C8orf34: variants seen among roughly 807,000 people sequenced by gnomAD.
C8orf34 encodes the protein chromosome 8 open reading frame 34.
C8orf34 carries 65 observed loss-of-function variants against 68.3 expected under a neutral mutation model. The observed-to-expected ratio is 0.95, with a 90% confidence interval of 0.78 to 1.17. The LOEUF is 1.17. Ranked by LOEUF, C8orf34 falls within the 50% of genes most tolerant of loss-of-function variation. The probability of loss-of-function intolerance (pLI) is 0.00; values close to 1 mark genes in which losing one functional copy is unlikely to be tolerated. For missense variants in C8orf34, 664 were observed against 655.4 expected (o/e 1.01, Z -0.14); for synonymous variants, 244 against 241.2 (o/e 1.01, Z -0.11).
chr8:68,494,956 G>A (rs1813465960), intron 5 of C8orf34, among the ~76,000 whole-genome samples: 1 of 151,112 alleles, frequency 6.6e-6, no homozygotes. Flanking sequence ...GCGTGTATAT[G>A]TATATATTCT....
chr8:68,757,553 G>A (rs1332189264), intron 10 of C8orf34, among the ~76,000 whole-genome samples: 4 of 151,992 alleles, frequency 2.6e-5, no homozygotes, highest in Admixed American at 1.3e-4. Context: ...CCGGGGAGGC[G>A]GAAGCTGCAG....
chr8:68,500,285 C>G (rs1252268137), intron 5 of C8orf34, among the ~76,000 whole-genome samples: 1 of 152,078 alleles, frequency 6.6e-6, no homozygotes, highest in African/African-American at 2.4e-5. Context: ...TGGAAAACAC[C>G]AGTTGAGGGA....
intron 5 of C8orf34, among the ~76,000 whole-genome samples, chr8:68,495,844 A>G (rs909589561): frequency 1.3e-5 from 2 of 152,244 alleles, no homozygotes; most frequent in African/African-American, 4.8e-5. Context: ...TCAATTAATA[A>G]TTGCTATGTT....
At chr8:68,535,465 C>T (rs1554574322) in intron 7 of C8orf34, 1 of 967,948 alleles carries the variant, frequency 1.0e-6, no homozygotes, top group Admixed American at 6.2e-5. Context: ...TGTTAGTTGA[C>T]ATTAATATAA....
At chr8:68,466,738 C>CAT (rs35661495) in intron 3 of C8orf34, among the ~76,000 whole-genome samples, 22,316 of 119,816 alleles carry the variant, frequency 0.19, 2,703 homozygotes, top group Middle Eastern at 0.3. Flanking sequence ...CAACGTTGTA[C>CAT]ATATATATAT....
chr8:68,564,527 A>G (rs551047067), intron 7 of C8orf34, among the ~76,000 whole-genome samples: 24 of 152,278 alleles, frequency 1.6e-4, no homozygotes, highest in African/African-American at 5.1e-4. Context: ...TCCTGGTCCT[A>G]TGTGGGTAGG....
chr8:68,584,319 A>G (rs1344033974), intron 7 of C8orf34, among the ~76,000 whole-genome samples: 1 of 152,276 alleles, frequency 6.6e-6, no homozygotes, highest in Non-Finnish European at 1.5e-5. Context: ...GTTGGATGGA[A>G]CCTGATCAAA....
At chr8:68,772,774 CTTCT>C (rs1473159744) in intron 10 of C8orf34, among the ~76,000 whole-genome samples, 51 of 138,482 alleles carry the variant, frequency 3.7e-4, no homozygotes, top group Middle Eastern at 4.3e-3. Context: ...TCCTTCCTTC[CTTCT>C]TTCTTTCTTT....
At chr8:68,664,281 G>T (rs1012438454) in intron 8 of C8orf34, among the ~76,000 whole-genome samples, 1 of 152,120 alleles carries the variant, frequency 6.6e-6, no homozygotes, top group African/African-American at 2.4e-5. Context: ...TTAAACTATA[G>T]GCTGAATTCC....
At chr8:68,518,563 G>A (rs1441117229) in intron 5 of C8orf34, among the ~76,000 whole-genome samples, 3 of 152,052 alleles carry the variant, frequency 2.0e-5, no homozygotes. Context: ...ATAGTCCAAG[G>A]TAGATTTTGT....
chr8:68,628,175 G>A (rs1386154033), intron 7 of C8orf34, among the ~76,000 whole-genome samples: 2 of 151,944 alleles, frequency 1.3e-5, no homozygotes, highest in Non-Finnish European at 2.9e-5. Context: ...AACTTAAATT[G>A]TTTTTAAACT....
intron 7 of C8orf34, among the ~76,000 whole-genome samples, chr8:68,536,358 C>CAAAAAAAAAAAAAAA (rs10696903): frequency 5.3e-4 from 26 of 49,162 alleles, no homozygotes; most frequent in African/African-American, 9.2e-4. Flanking sequence ...GACCCTATCT[C>CAAAAAAAAAAAAAAA]AAAAAAAAAA....
intron 7 of C8orf34, among the ~76,000 whole-genome samples, chr8:68,619,790 A>T (rs184844345): frequency 6.6e-6 from 1 of 152,314 alleles, no homozygotes; most frequent in East Asian, 1.9e-4. Flanking sequence ...ATTATAAATC[A>T]TAGTCACAAT....
intron 5 of C8orf34, among the ~76,000 whole-genome samples, chr8:68,507,081 C>T (rs535374757): frequency 2.3e-4 from 35 of 152,188 alleles, no homozygotes; most frequent in African/African-American, 7.9e-4. Flanking sequence ...CTGAGTCATC[C>T]TACCTATGAA....
intron 7 of C8orf34, among the ~76,000 whole-genome samples, chr8:68,591,137 G>T (rs184163110): frequency 6.6e-6 from 1 of 152,128 alleles, no homozygotes. Flanking sequence ...AGGAAAATCT[G>T]ATAAGCTGAG....
At chr8:68,470,852 C>T (rs1403675532) in intron 4 of C8orf34, among the ~76,000 whole-genome samples, 1 of 152,094 alleles carries the variant, frequency 6.6e-6, no homozygotes, top group Non-Finnish European at 1.5e-5. Flanking sequence ...TCCCAGGCTC[C>T]ACCTCCTAAC....
Position 68,721,360 on chromosome 8 carries a change from G to T in C8orf34, c.1328-1G>T. ...TATTCATTTTTTAAAAATAAAAATA[G>T]ATTCCTTGCCTGGGACTGAAGAAGC... is the stretch of plus-strand genomic sequence containing the variant. On this transcript the variant is annotated splice_acceptor_variant, in intron 9 of 13. Coordinates refer to ENST00000518698, the MANE Select transcript of C8orf34 (RefSeq NM_052958.4). LOFTEE classifies it high-confidence loss of function. The T allele has an allele frequency of 6.3e-7, 1 of 1,595,606 alleles. No individual in the cohort carries two copies. The highest frequency in any genetic ancestry group is 8.6e-7 in the Non-Finnish European group (1 of 1,167,164).
intron 11 of C8orf34, among the ~76,000 whole-genome samples, chr8:68,782,650 T>C (rs1823713060): frequency 6.6e-6 from 1 of 152,222 alleles, no homozygotes; most frequent in South Asian, 2.1e-4. Flanking sequence ...GCAGTGAGTT[T>C]CTGCTGTGGA....
chr8:68,715,607 T>C (rs866444631), intron 9 of C8orf34, among the ~76,000 whole-genome samples: 17 of 151,528 alleles, frequency 1.1e-4, no homozygotes, highest in South Asian at 6.3e-4. Context: ...ACCTCACTCC[T>C]GCAACAATGG....
Sources: gnomAD v4.1 joint callset for allele counts (sites outside exome capture counted in the v4.1 genomes callset) on GRCh38, gnomAD v4.1.1 for gene constraint, MANE v1.5 for transcripts, NCBI Gene and HGNC (gene_info 2026-07-23, HGNC 2026-07-21) for gene names.